FBLN5: variants seen among roughly 807,000 people sequenced by gnomAD.
FBLN5 encodes fibulin 5.
Under a neutral mutation model 61.6 loss-of-function variants are expected in FBLN5, and 24 were observed. The ratio of observed to expected loss-of-function variants is 0.39; its 90% confidence interval spans 0.28 to 0.55. The LOEUF is 0.55. Among genes scored for constraint, FBLN5 ranks in the 20% least tolerant of loss-of-function variants. The pLI is 0.65. For synonymous variants in FBLN5, 213 were observed against 219.8 expected, an observed-to-expected ratio of 0.97 and a Z score of 0.27; for missense variants, 470 against 594.1, an observed-to-expected ratio of 0.79 and a Z score of 2.17.
At chr14:91,935,992 C>T (rs1190902049) in intron 4 of FBLN5, among the ~76,000 whole-genome samples, 2 of 152,128 alleles carry the variant, frequency 1.3e-5, no homozygotes, top group Non-Finnish European at 2.9e-5. Flanking sequence ...CACTTGTCTG[C>T]AATTATTGTA....
intron 3 of FBLN5, 49 bp from the exon 4 acceptor site, chr14:91,937,250 T>C: frequency 6.2e-7 from 1 of 1,612,334 alleles, no homozygotes; most frequent in Non-Finnish European, 8.5e-7. Context: ...AACTGCCTTG[T>C]GTCCGGTGCA....
chr14:91,895,379 A>G (rs1269143778), intron 4 of FBLN5, among the ~76,000 whole-genome samples: 3 of 152,206 alleles, frequency 2.0e-5, no homozygotes, highest in Non-Finnish European at 4.4e-5. Flanking sequence ...GACAATAACC[A>G]TTACTTGATT....
At chr14:91,942,318 T>G (rs1205196651) in intron 2 of FBLN5, 1 of 378,550 alleles carries the variant, frequency 2.6e-6, no homozygotes, top group Non-Finnish European at 5.2e-6. Context: ...AGCTGAATTA[T>G]GCAACACTAC....
intron 4 of FBLN5, among the ~76,000 whole-genome samples, chr14:91,923,280 C>T (rs1015715333): frequency 5.3e-5 from 8 of 152,232 alleles, no homozygotes; most frequent in African/African-American, 1.9e-4. Context: ...TTTCACTCCC[C>T]TGCTCAAAAA....
chr14:91,898,995 G>C lies in FBLN5; in HGVS notation c.380-3923C>G, dbSNP rs1252916890. ...TTTTTTGTATTTTTAGTAGAGATGGGGTTTCACCATGTTAGCCAGGATGGT... is the reference window on the plus strand; with the variant it reads ...TTTTTTGTATTTTTAGTAGAGATGGCGTTTCACCATGTTAGCCAGGATGGT... On this transcript the variant is annotated intron_variant, in intron 4 of 10. Coordinates refer to ENST00000342058, the MANE Select transcript of FBLN5 (RefSeq NM_006329.4). 2.0e-5 allele frequency among the ~76,000 whole-genome samples: 3 copies of C among 151,584 alleles called. No homozygotes were observed. In the East Asian group the frequency reaches 5.8e-4, roughly 29 times the overall value.
rs779678458 is a variant in FBLN5, at chr14:91,877,733, G to A, written c.990-51C>T. 6 of 1,444,534 alleles carry A rather than the reference G, an allele frequency of 4.2e-6. No homozygotes were observed. In the South Asian group the frequency reaches 6.9e-5, roughly 17 times the overall value. 89.5% of individuals were successfully genotyped at this position (1,444,534 alleles called of 1,614,324 possible). Reference sequence around the variant, plus strand: ...ACTCAAGAAATCCATTCCAGGTGCTGGCTGTGCCTACTTCCTCTCTTAAAA... The same window carrying A: ...ACTCAAGAAATCCATTCCAGGTGCTAGCTGTGCCTACTTCCTCTCTTAAAA... On this transcript the variant is annotated intron_variant, in intron 9 of 10. Transcript: ENST00000342058.
At chr14:91,916,389 G>A (rs185173388) in intron 4 of FBLN5, among the ~76,000 whole-genome samples, 19 of 152,330 alleles carry the variant, frequency 1.2e-4, no homozygotes, top group East Asian at 9.6e-4. Flanking sequence ...GGAGGTTGCC[G>A]TGAGAGGAGA....
intron 4 of FBLN5, among the ~76,000 whole-genome samples, chr14:91,902,261 GTTTT>G (rs1890483542): frequency 2.1e-5 from 3 of 142,408 alleles, no homozygotes; most frequent in African/African-American, 7.9e-5. Flanking sequence ...CTAGACATGG[GTTTT>G]TTTGTTTGTT....
intron 7 of FBLN5, among the ~76,000 whole-genome samples, chr14:91,883,823 C>T (rs931937727): frequency 2.0e-5 from 3 of 152,100 alleles, no homozygotes; most frequent in South Asian, 2.1e-4. Flanking sequence ...GCCAGCCTGA[C>T]GTGGAGGGGA....
Position 91,943,021 on chromosome 14 carries a change from G to A in FBLN5, c.18-60C>T. 3 of 1,153,160 alleles carry A rather than the reference G, an allele frequency of 2.6e-6. No homozygotes were observed. The highest frequency in any genetic ancestry group is 3.8e-6 in the Non-Finnish European group (3 of 782,594). 71.4% of individuals were successfully genotyped at this position (1,153,160 alleles called of 1,614,324 possible). A position where few individuals can be genotyped will look rare whatever the true frequency, so the allele number is the denominator to read the frequency against. The stretch of plus-strand genomic sequence containing the variant: ...GACAGATTCAGGTCTAGGGGAGTGT[G>A]GGTCGCATGCGGCCCGTGACGTGTA... On this transcript the variant is annotated intron_variant, in intron 1 of 10. Transcript: ENST00000342058. The surrounding 1 kb of genome is among the most constrained non-coding windows in gnomAD (Gnocchi z 4.0).
At chr14:91,903,143 C>T (rs1024956719) in intron 4 of FBLN5, among the ~76,000 whole-genome samples, 3 of 152,062 alleles carry the variant, frequency 2.0e-5, no homozygotes, top group African/African-American at 7.2e-5. Context: ...CTGGATTCTT[C>T]TCTCTCTAAG....
At chr14:91,926,789 T>G (rs1292970431) in intron 4 of FBLN5, among the ~76,000 whole-genome samples, 41 of 119,534 alleles carry the variant, frequency 3.4e-4, no homozygotes, top group South Asian at 9.3e-4. Flanking sequence ...TCGGGGGGAG[T>G]GGACGGGGGG....
Position 91,940,554 on chromosome 14 carries a change from G to A in FBLN5, c.124+11C>T. 6.2e-7 allele frequency: 1 copy of A among 1,612,312 alleles called. No homozygotes were observed. Among genetic ancestry groups the A allele is most frequent in the African/African-American group, 1.3e-5 (1 of 75,018 alleles). On this transcript the variant is annotated intron_variant, in intron 3 of 10. Coordinates refer to ENST00000342058, the MANE Select transcript of FBLN5 (RefSeq NM_006329.4). ...CCTCCACCCCAATGAAGGATCCACA[G>A]TGGCTCATACCTAAACACTGTCCTG...
At position 91,888,641 on chromosome 14, in the gene FBLN5, TAC is replaced by T. The variant is rs1164623979; in HGVS notation, c.620-1331_620-1330del. ...AAAAAAAAATACATATATATATATA[TAC>T]ACACACACACAGACACACACACATA... On this transcript the variant is annotated intron_variant, in intron 6 of 10. Coordinates refer to ENST00000342058, the MANE Select transcript of FBLN5 (RefSeq NM_006329.4). Among the ~76,000 whole-genome samples the T allele has an allele frequency of 7.0e-3, 1,048 of 149,512 alleles. 27 individuals carry two copies. Among genetic ancestry groups the T allele is most frequent in the African/African-American group, 0.024 (984 of 40,614 alleles).
intron 4 of FBLN5, among the ~76,000 whole-genome samples, chr14:91,900,792 C>T (rs1172766449): frequency 6.6e-6 from 1 of 152,016 alleles, no homozygotes; most frequent in African/African-American, 2.4e-5. Context: ...GACTGCCTGG[C>T]ACATAGCTCC....
At chr14:91,903,306 C>T (rs1890538638) in intron 4 of FBLN5, among the ~76,000 whole-genome samples, 2 of 152,144 alleles carry the variant, frequency 1.3e-5, no homozygotes, top group Admixed American at 6.5e-5. Context: ...GGCTGCAATG[C>T]CTTGGCCAGG....
chr14:91,889,888 A>G (rs1000866128), intron 6 of FBLN5, among the ~76,000 whole-genome samples: 3 of 152,218 alleles, frequency 2.0e-5, no homozygotes, highest in African/African-American at 7.2e-5. Context: ...TGAAAGACGC[A>G]GGCACCTTTT....
At chr14:91,873,165 C>T (rs1297828095) in intron 10 of FBLN5, among the ~76,000 whole-genome samples, 4 of 152,196 alleles carry the variant, frequency 2.6e-5, no homozygotes, top group Non-Finnish European at 5.9e-5. Flanking sequence ...AGGACAGCCA[C>T]CTCCACATTC....
chr14:91,877,923 C>T (rs1024162773), intron 9 of FBLN5: 14 of 611,246 alleles, frequency 2.3e-5, no homozygotes, highest in Non-Finnish European at 3.9e-5. Context: ...AAATAGAATA[C>T]AAACCTTAGA....
Sources: allele counts gnomAD v4.1 joint callset (sites outside exome capture counted in the v4.1 genomes callset), GRCh38; gene constraint gnomAD v4.1.1; non-coding constraint Gnocchi (gnomAD v3.1); transcripts MANE v1.5; gene names NCBI Gene and HGNC (gene_info 2026-07-23, HGNC 2026-07-21).